The following CFAP43 variants were observed in gnomAD, a reference collection of about 807,000 sequenced individuals.
The protein encoded by CFAP43 is cilia and flagella associated protein 43, also known as cilia- and flagella-associated protein 43.
In CFAP43, 155 loss-of-function variants were observed where a neutral mutation model predicts 218.9. The ratio of observed to expected loss-of-function variants is 0.71; its 90% CI spans 0.62 to 0.81. CFAP43 has a LOEUF of 0.81. CFAP43 is among the 30% of genes least tolerant of loss of function. CFAP43 has a pLI of 0.00. For synonymous variants in CFAP43, 645 were observed against 681.3 expected (o/e 0.95, Z 0.83); for missense variants, 1,778 against 1,954.3 (o/e 0.91, Z 1.70).
Position 104,143,478 on chromosome 10 carries a change from A to G in CFAP43, c.4106T>C (p.Val1369Ala), listed in dbSNP as rs1437628117. ...SNMPEGLDPL[V>A]WNHFCMTRRA... The stretch of plus-strand genomic sequence containing the variant: ...TCTTGTCATGCAGAAATGATTCCAG[A>G]CCAAAGGGTCCAAGCCTTCTGGCAT... Residue 1369 changes from valine (V) to alanine (A), a missense_variant, in exon 32 of 38, where the codon GTC (valine) becomes GCC (alanine). Transcript: ENST00000357060. 1 of 1,614,174 alleles carries G rather than the reference A, an allele frequency of 6.2e-7. No individual in the cohort carries two copies. Among genetic ancestry groups the G allele is most frequent in the Non-Finnish European group, 8.5e-7 (1 of 1,180,028 alleles).
At chr10:104,201,791 C>T (rs2090542886) in intron 8 of CFAP43, among the ~76,000 whole-genome samples, 1 of 152,006 alleles carries the variant, frequency 6.6e-6, no homozygotes, top group African/African-American at 2.4e-5. Context: ...CATAGACCTT[C>T]CCACCTGGGA....
intron 27 of CFAP43, among the ~76,000 whole-genome samples, chr10:104,153,094 T>G (rs2088356662): frequency 6.6e-6 from 1 of 152,194 alleles, no homozygotes; most frequent in Admixed American, 6.5e-5. Flanking sequence ...TTTTTATTTT[T>G]CTCAAGCACT....
At chr10:104,217,108 G>A (rs955220277) in intron 3 of CFAP43, among the ~76,000 whole-genome samples, 1 of 152,190 alleles carries the variant, frequency 6.6e-6, no homozygotes, top group Non-Finnish European at 1.5e-5. Flanking sequence ...GATATCTGTG[G>A]CAAGGGCATG....
At chr10:104,146,527 A>T (rs112375080) in intron 29 of CFAP43, among the ~76,000 whole-genome samples, 178 bp from the exon 30 acceptor site, 346 of 152,336 alleles carry the variant, frequency 2.3e-3, no homozygotes, top group African/African-American at 7.2e-3. Flanking sequence ...ACTTTGAAAG[A>T]ACACCCAATC....
At chr10:104,214,481 A>G in intron 3 of CFAP43, 55 bp from the exon 4 acceptor site, 16 of 1,388,826 alleles carry the variant, frequency 1.2e-5, no homozygotes, top group Non-Finnish European at 1.5e-5. Flanking sequence ...TCATGTATTT[A>G]GAACATTTAT....
At chr10:104,158,902 AAT>A (rs1491437463) in intron 27 of CFAP43, among the ~76,000 whole-genome samples, 3 of 152,094 alleles carry the variant, frequency 2.0e-5, no homozygotes, top group Admixed American at 6.5e-5. Context: ...ATACATATAC[AAT>A]ATATATATAA....
chr10:104,175,216 G>A (rs990131790), intron 19 of CFAP43, among the ~76,000 whole-genome samples: 5 of 152,076 alleles, frequency 3.3e-5, no homozygotes, highest in Non-Finnish European at 5.9e-5. Flanking sequence ...AGAAGGCTAG[G>A]AATTCAAGAC....
At position 104,187,491 on chromosome 10, in the gene CFAP43, A is replaced by G; in HGVS notation, c.1689T>C (p.Val563=). ...CTCTTTCATCAGCAAAGGTTGTGGA[A>G]ACTATTAGATTTGGAAAAAGAAGAG... ...MFTLPTLLPQ[V]STTFADERGR... is the part of the protein sequence containing the mutation. Residue 563 remains valine (V), a splice_region_variant and synonymous_variant, in exon 14 of 38, where the codon GTT becomes GTC. Transcript: ENST00000357060. 1 of 1,564,560 alleles carries G rather than the reference A, an allele frequency of 6.4e-7. No individual in the cohort carries two copies. Among genetic ancestry groups the G allele is most frequent in the Non-Finnish European group, 8.6e-7 (1 of 1,160,958 alleles).
intron 10 of CFAP43, among the ~76,000 whole-genome samples, chr10:104,194,700 G>T (rs1433323766): frequency 2.0e-5 from 3 of 152,180 alleles, no homozygotes; most frequent in African/African-American, 7.2e-5. Flanking sequence ...AGAATAAATT[G>T]ACTTTCATAA....
intron 3 of CFAP43, among the ~76,000 whole-genome samples, chr10:104,215,243 A>G (rs780250237): frequency 2.3e-4 from 35 of 152,328 alleles, no homozygotes; most frequent in African/African-American, 3.8e-4. Context: ...AACTCCTACC[A>G]TGAACAAAGT....
At chr10:104,207,203 C>T (rs979944778) in intron 6 of CFAP43, among the ~76,000 whole-genome samples, 2 of 151,812 alleles carry the variant, frequency 1.3e-5, no homozygotes, top group East Asian at 1.9e-4. Flanking sequence ...CACCTCTAAC[C>T]GAGCAATAGA....
chr10:104,203,107 C>G (rs1264267122), intron 8 of CFAP43, among the ~76,000 whole-genome samples: 2 of 152,142 alleles, frequency 1.3e-5, no homozygotes, highest in Non-Finnish European at 2.9e-5. Flanking sequence ...ACAACCTATG[C>G]CCCAATCTCA....
intron 13 of CFAP43, among the ~76,000 whole-genome samples, 161 bp from the exon 14 acceptor site, chr10:104,187,653 C>G (rs527829788): frequency 6.6e-5 from 10 of 152,248 alleles, no homozygotes; most frequent in Admixed American, 2.6e-4. Context: ...ACTTGTCTCC[C>G]TAGAAATACT....
chr10:104,167,726 G>C lies in CFAP43; in HGVS notation c.2703C>G (p.Ile901Met), dbSNP rs1404819446. 1 of 1,605,058 alleles carries C rather than the reference G, an allele frequency of 6.2e-7. No individual in the cohort carries two copies. The highest frequency in any genetic ancestry group is 2.2e-5 in the East Asian group (1 of 44,780). ...TCGGGAAGTTTTCAACCACACAGGG[G>C]ATATGAAAACACTTGGGGAAAAAAA... is the stretch of plus-strand genomic sequence containing the variant. ...VKGRALKCFH[I>M]PCVVENFPMK... Residue 901 changes from isoleucine to methionine, a missense_variant, in exon 22 of 38, where the codon ATC becomes ATG. Ile to Met is a conservative substitution (Grantham distance 10). Coordinates refer to ENST00000357060, the MANE Select transcript of CFAP43 (RefSeq NM_025145.7).
chr10:104,190,951 T>C (rs923116151), intron 12 of CFAP43, among the ~76,000 whole-genome samples: 1 of 152,234 alleles, frequency 6.6e-6, no homozygotes, highest in Non-Finnish European at 1.5e-5. Flanking sequence ...ATCAATTTCA[T>C]GAAAGTTGTC....
intron 3 of CFAP43, among the ~76,000 whole-genome samples, chr10:104,216,888 A>C (rs2091026172): frequency 6.6e-6 from 1 of 152,140 alleles, no homozygotes; most frequent in South Asian, 2.1e-4. Flanking sequence ...GCTGAGGCAC[A>C]TTCTGGAACC....
chr10:104,131,254 C>T (rs539633699), intron 37 of CFAP43, 77 bp downstream of exon 37: 1 of 1,485,856 alleles, frequency 6.7e-7, no homozygotes, highest in Non-Finnish European at 9.1e-7. Context: ...AGCTTTTTAA[C>T]TGTTGTATAC....
At chr10:104,210,091 T>C (rs1371018560) in intron 5 of CFAP43, among the ~76,000 whole-genome samples, 2 of 152,232 alleles carry the variant, frequency 1.3e-5, no homozygotes, top group African/African-American at 4.8e-5. Flanking sequence ...TACTATATTG[T>C]TTAGGAAATA....
chr10:104,223,778 A>T (rs1196439945), intron 3 of CFAP43, among the ~76,000 whole-genome samples: 2 of 152,224 alleles, frequency 1.3e-5, no homozygotes, highest in East Asian at 1.9e-4. Context: ...CTAATACAGT[A>T]CATCCATCAA....
Sources: gnomAD v4.1 joint callset for allele counts (sites outside exome capture counted in the v4.1 genomes callset) on GRCh38, gnomAD v4.1.1 for gene constraint, MANE v1.5 for transcripts, NCBI Gene and HGNC (gene_info 2026-07-23, HGNC 2026-07-21) for gene names.